Variants in ERMN observed in about 807,000 individuals in gnomAD.
The protein encoded by ERMN is ermin, ERM-like protein.
ERMN carries 17 observed loss-of-function variants against 21.4 expected under a neutral mutation model. The ratio of observed to expected loss-of-function variants is 0.80; its 90% CI spans 0.54 to 1.19. The LOEUF is 1.19. ERMN is among the 50% of genes most tolerant of loss of function. ERMN has a pLI of 0.00. For synonymous variants in ERMN, 115 were observed against 111.9 expected (o/e 1.03, Z -0.17); for missense variants, 348 against 331.6 (o/e 1.05, Z -0.38).
chr2:157,322,072 C>A (rs138764956), intron 2 of ERMN, among the ~76,000 whole-genome samples: 1 of 152,154 alleles, frequency 6.6e-6, no homozygotes, highest in East Asian at 1.9e-4. Context: ...AGTCAACAAC[C>A]TAACTTCATT....
rs1464406786 is a variant in ERMN at position 157,321,390 on chromosome 2, T to C, written c.736A>G (p.Lys246Glu). 1.2e-6 allele frequency: 2 copies of C among 1,614,050 alleles called. No homozygotes were observed. Among genetic ancestry groups the C allele is most frequent in the African/African-American group, 2.7e-5 (2 of 74,932 alleles). The change falls in exon 3 of 3, where the codon AAG becomes GAG. Residue 246 changes from lysine (K) to glutamate (E), a missense_variant. Lys to Glu is a moderately conservative substitution (Grantham distance 56). Transcript: ENST00000410096. ...GCATTTCTGGAGATATCACTCTTCTTCCCTAAGGTTGGCTGCTCATCAGGT... is the reference window on the plus strand; with the variant it reads ...GCATTTCTGGAGATATCACTCTTCTCCCCTAAGGTTGGCTGCTCATCAGGT... The part of the protein sequence containing the change: ...VTPDEQPTLG[K>E]KSDISRNAYS...
rs1483192939 is a variant in ERMN, at chr2:157,320,283, G to A, written c.*988C>T. The A allele has an allele frequency of 2.0e-5, 3 of 152,482 alleles. No homozygotes were observed. Among genetic ancestry groups the A allele is most frequent in the Non-Finnish European group, 4.4e-5 (3 of 67,988 alleles). The allele number at this position is 152,482 out of a possible 1,614,324, so 9.4% of individuals were successfully genotyped here. A position where few individuals can be genotyped will look rare whatever the true frequency, so the allele number is the denominator to read the frequency against. On this transcript the variant is annotated 3_prime_UTR_variant, in exon 3 of 3. Coordinates refer to ENST00000410096, the MANE Select transcript of ERMN (RefSeq NM_020711.3). ...TCTCCCACTAAAAATACATGCTCAC[G>A]CTCTACTTTGAAAATATTCTAAGAT...
upstream of ERMN, among the ~76,000 whole-genome samples, chr2:157,326,682 G>A (rs896538043): frequency 6.6e-5 from 10 of 152,130 alleles, no homozygotes; most frequent in Admixed American, 2.0e-4. Context: ...AGTACAAAAT[G>A]GTTCCAGAGC....
At chr2:157,323,704 T>A (rs1683975469) in intron 2 of ERMN, among the ~76,000 whole-genome samples, 1 of 152,214 alleles carries the variant, frequency 6.6e-6, no homozygotes, top group Non-Finnish European at 1.5e-5. Context: ...ATAGATTTTA[T>A]CCTACACTTT....
rs1683838375 is a variant in ERMN, at chr2:157,320,001, GA to G, written c.*1269del. 1 of 152,110 alleles carries G rather than the reference GA, an allele frequency of 6.6e-6. No homozygotes were observed. Among genetic ancestry groups the G allele is most frequent in the African/African-American group, 2.4e-5 (1 of 41,440 alleles). 9.4% of individuals were successfully genotyped at this position (152,110 alleles called of 1,614,324 possible). On this transcript the variant is annotated 3_prime_UTR_variant, in exon 3 of 3. Transcript: ENST00000410096. ...GACTGTATTACATTCAGACAATAAG[GA>G]ATTGTCTTTTTATTTGCAGGGCAAA...
At chr2:157,323,723 A>G (rs547959512) in intron 2 of ERMN, among the ~76,000 whole-genome samples, 5 of 152,214 alleles carry the variant, frequency 3.3e-5, no homozygotes, top group African/African-American at 1.2e-4. Flanking sequence ...TTATTTGGGA[A>G]CTGTTTAAAT....
chr2:157,327,667 TC>T, upstream of ERMN: 1 of 576,044 alleles, frequency 1.7e-6, no homozygotes, highest in South Asian at 2.1e-5. Flanking sequence ...GGACCAGAGA[TC>T]CCACAGGGGT....
chr2:157,325,242 T>C (rs746470410), intron 1 of ERMN, 160 bp downstream of exon 1: 4 of 1,006,576 alleles, frequency 4.0e-6, no homozygotes, highest in Non-Finnish European at 6.1e-6. Context: ...CCAGCCTGGA[T>C]TTCACCAGAG....
At chr2:157,322,080 AT>A (rs1683923976) in intron 2 of ERMN, among the ~76,000 whole-genome samples, 1 of 152,020 alleles carries the variant, frequency 6.6e-6, no homozygotes, top group Non-Finnish European at 1.5e-5. Flanking sequence ...ACCTAACTTC[AT>A]TTGTCTATGG....
At chr2:157,327,588 C>T (rs1267343810), upstream of ERMN, 4 of 704,000 alleles carry the variant, frequency 5.7e-6, no homozygotes, top group African/African-American at 7.0e-5. Flanking sequence ...GCCAGCAAGC[C>T]TACTGATGAG....
upstream of ERMN, chr2:157,327,480 AAC>A: frequency 2.6e-6 from 2 of 780,338 alleles, no homozygotes; most frequent in Admixed American, 3.4e-5. Context: ...TACTCTTCAT[AAC>A]AGTCTTCTGA....
At position 157,324,328 on chromosome 2, in the gene ERMN, T is replaced by C. The variant is rs1168736315; in HGVS notation, c.334+342A>G. On this transcript the variant is annotated intron_variant, in intron 2 of 2. Coordinates refer to ENST00000410096, the MANE Select transcript of ERMN (RefSeq NM_020711.3). ...GTAGACTTTTAGGAAAGACCCGTTT[T>C]TGAAACATTTACCTTTCACAAGGTG... 1.6e-4 allele frequency: 37 copies of C among 237,682 alleles called. No individual in the cohort carries two copies. The Admixed American group carries it at 2.2e-3, about 14-fold the overall frequency. The allele number at this position is 237,682 out of a possible 1,614,324, so 14.7% of individuals were successfully genotyped here. A position where few individuals can be genotyped will look rare whatever the true frequency, so the allele number is the denominator to read the frequency against.
In ERMN at chr2:157,321,548, T is replaced by A. The variant is rs1208132708; in HGVS notation, c.578A>T (p.Asn193Ile). ...AACTTCATCTTCATCATTATTGCAA[T>A]TATCATCATCATCATCATCAATTTC... Reference protein sequence around the residue: ...DEEIDDDDDDNCNNDEDEVRV... With the variant: ...DEEIDDDDDDICNNDEDEVRV... The change falls in exon 3 of 3, where the codon AAT (asparagine) becomes ATT (isoleucine). Residue 193 changes from asparagine to isoleucine, a missense_variant. Coordinates refer to ENST00000410096, the MANE Select transcript of ERMN (RefSeq NM_020711.3). 23 of 1,614,048 alleles carry A rather than the reference T, an allele frequency of 1.4e-5. No individual in the cohort carries two copies. The highest frequency in any genetic ancestry group is 1.6e-4 in the Middle Eastern group (1 of 6,062).
Position 157,325,718 on chromosome 2 carries a change from T to C in ERMN, c.-76A>G. 6.2e-7 allele frequency: 1 copy of C among 1,602,918 alleles called. No individual in the cohort carries two copies. Among genetic ancestry groups the C allele is most frequent in the Non-Finnish European group, 8.5e-7 (1 of 1,172,664 alleles). On this transcript the variant is annotated 5_prime_UTR_variant, in exon 1 of 3. Coordinates refer to ENST00000410096, the MANE Select transcript of ERMN (RefSeq NM_020711.3). ...AGTAGATCCTTGATAAGATACCTGC[T>C]CTTGCCTTCAAGTCCTATAGTTCCA...
At chr2:157,323,551 T>A (rs1288813082) in intron 2 of ERMN, among the ~76,000 whole-genome samples, 1 of 152,220 alleles carries the variant, frequency 6.6e-6, no homozygotes, top group African/African-American at 2.4e-5. Flanking sequence ...TTTTATGTGA[T>A]GTTCTAATAT....
chr2:157,319,077 T>C lies in ERMN; in HGVS notation c.*2194A>G, dbSNP rs1683798696. ...ACCATCACCATTATGTTACCTGAGG[T>C]CACTTAACTCTGTGGCTTTCAACTC... On this transcript the variant is annotated 3_prime_UTR_variant, in exon 3 of 3. Coordinates refer to ENST00000410096, the MANE Select transcript of ERMN (RefSeq NM_020711.3). 6.6e-6 allele frequency: 1 copy of C among 152,174 alleles called. No homozygotes were observed. The highest frequency in any genetic ancestry group is 1.5e-5 in the Non-Finnish European group (1 of 68,032). The allele number at this position is 152,174 out of a possible 1,614,324, so 9.4% of individuals were successfully genotyped here.
Position 157,319,810 on chromosome 2 carries a change from G to GTGATAC in ERMN, c.*1455_*1460dup, listed in dbSNP as rs1209292829. 5 of 152,116 alleles carry GTGATAC rather than the reference G, an allele frequency of 3.3e-5. No individual in the cohort carries two copies. The highest frequency in any genetic ancestry group is 1.2e-4 in the African/African-American group (5 of 41,438). The allele number at this position is 152,116 out of a possible 1,614,324, so 9.4% of individuals were successfully genotyped here. On this transcript the variant is annotated 3_prime_UTR_variant, in exon 3 of 3. Coordinates refer to ENST00000410096, the MANE Select transcript of ERMN (RefSeq NM_020711.3). The stretch of plus-strand genomic sequence containing the variant: ...CTTGTAAACAACTAAATAATAGTAT[G>GTGATAC]TGATACTATGGAAATATAATATATG...
At chr2:157,324,632 C>G in intron 2 of ERMN, 38 bp downstream of exon 2, 1 of 1,502,610 alleles carries the variant, frequency 6.7e-7, no homozygotes, top group Non-Finnish European at 9.3e-7. Context: ...CATACTCAGT[C>G]AAACAATTTC....
chr2:157,327,095 AATTAT>A, upstream of ERMN: 1 of 149,674 alleles, frequency 6.7e-6, no homozygotes, highest in South Asian at 2.1e-4. Flanking sequence ...ACATAACAAG[AATTAT>A]ATTATATATA....
Sources: gnomAD v4.1 joint callset for allele counts (sites outside exome capture counted in the v4.1 genomes callset) on GRCh38, gnomAD v4.1.1 for gene constraint, MANE v1.5 for transcripts, NCBI Gene and HGNC (gene_info 2026-07-23, HGNC 2026-07-21) for gene names.